The following BICD1 variants were observed in gnomAD, a reference collection of about 807,000 sequenced individuals.
BICD1 encodes the protein BICD cargo adaptor 1.
In BICD1, 35 loss-of-function variants were observed where a neutral mutation model predicts 92.5. The observed-to-expected ratio is 0.38, with a 90% CI of 0.29 to 0.50. The LOEUF is 0.50. BICD1 is among the 20% of genes least tolerant of loss of function. The pLI, the probability that BICD1 is intolerant of heterozygous loss-of-function variation, is 0.93. For missense variants in BICD1, 950 were observed against 1,189.8 expected (o/e 0.80, Z 2.97); for synonymous variants, 429 against 465.1 (o/e 0.92, Z 1.00).
Position 32,252,054 on chromosome 12 carries a change from T to TCA in BICD1, c.426+35595_426+35596insCA, listed in dbSNP as rs57155044. On this transcript the variant is annotated intron_variant, in intron 2 of 9. Transcript: ENST00000652176. ...TTATAATATATATTTATAATAAATA[T>TCA]TATATATTATATATTTATAATATAT... Among the ~76,000 whole-genome samples, 29 of 38,356 alleles carry TCA rather than the reference T, an allele frequency of 7.6e-4. 1 individual carries two copies. The East Asian group carries it at 0.023, about 30-fold the overall frequency. The allele number at this position is 38,356 out of a possible 152,430, so 25.2% of individuals were successfully genotyped here.
At chr12:32,181,939 G>A (rs527303775) in intron 1 of BICD1, among the ~76,000 whole-genome samples, 51 of 152,086 alleles carry the variant, frequency 3.4e-4, no homozygotes, top group African/African-American at 1.2e-3. Flanking sequence ...CCATAAAACC[G>A]TGGTGTCTGG....
chr12:32,218,178 C>T (rs1339641559), intron 2 of BICD1, among the ~76,000 whole-genome samples: 3 of 152,068 alleles, frequency 2.0e-5, no homozygotes, highest in Non-Finnish European at 4.4e-5. Flanking sequence ...TACACAGCCA[C>T]GCTTGAAGGC....
intron 1 of BICD1, among the ~76,000 whole-genome samples, chr12:32,161,539 T>TA: frequency 6.6e-6 from 1 of 152,204 alleles, no homozygotes; most frequent in Admixed American, 6.5e-5. Flanking sequence ...GATCATAACT[T>TA]ACCATAGTTT....
At chr12:32,195,184 C>T (rs1015463802) in intron 1 of BICD1, among the ~76,000 whole-genome samples, 16 of 151,898 alleles carry the variant, frequency 1.1e-4, no homozygotes, top group African/African-American at 3.9e-4. Context: ...AATGTCCATA[C>T]TACTGAAAGC....
chr12:32,226,545 T>C (rs947558535), intron 2 of BICD1, among the ~76,000 whole-genome samples: 5 of 152,254 alleles, frequency 3.3e-5, no homozygotes, highest in Middle Eastern at 3.4e-3. Context: ...TGAGAGCAAA[T>C]TTCTGTGCAT....
At chr12:32,369,047 C>T (rs1308946068) in intron 9 of BICD1, among the ~76,000 whole-genome samples, 1 of 152,198 alleles carries the variant, frequency 6.6e-6, no homozygotes, top group African/African-American at 2.4e-5. Context: ...AGTTAGCATT[C>T]AAAAGATAAT....
At chr12:32,294,601 A>G (rs1203857690) in intron 3 of BICD1, among the ~76,000 whole-genome samples, 1 of 141,536 alleles carries the variant, frequency 7.1e-6, no homozygotes, top group Non-Finnish European at 1.5e-5. Context: ...AGCCTTGGTG[A>G]CAGAGTGAGA....
chr12:32,296,960 G>A (rs1447704419), intron 3 of BICD1, among the ~76,000 whole-genome samples: 2 of 152,016 alleles, frequency 1.3e-5, no homozygotes, highest in African/African-American at 4.8e-5. Context: ...AAAGGAGGGG[G>A]GACTTACACA....
chr12:32,235,051 T>C (rs1371527464), intron 2 of BICD1, among the ~76,000 whole-genome samples: 2 of 152,144 alleles, frequency 1.3e-5, no homozygotes, highest in Non-Finnish European at 2.9e-5. Context: ...TATAGACATC[T>C]AGAATATAAA....
intron 1 of BICD1, among the ~76,000 whole-genome samples, chr12:32,174,538 A>G (rs571421466): frequency 2.0e-5 from 3 of 151,974 alleles, no homozygotes; most frequent in Non-Finnish European, 4.4e-5. Flanking sequence ...CCATTGGATT[A>G]CTCTTTGTTT....
rs1940072893 is a variant in BICD1, at chr12:32,378,601, T to C, written c.*974T>C. 3.9e-5 allele frequency: 6 copies of C among 152,190 alleles called. No individual in the cohort carries two copies. Among genetic ancestry groups the C allele is most frequent in the Admixed American group, 2.0e-4 (3 of 15,276 alleles). 9.4% of individuals were successfully genotyped at this position (152,190 alleles called of 1,614,324 possible). On this transcript the variant is annotated 3_prime_UTR_variant, in exon 10 of 10. Coordinates refer to ENST00000652176, the MANE Select transcript of BICD1 (RefSeq NM_001714.4). ...CCAAAATCAGGGTCCTACTGAGTCT[T>C]TCCTGATAAAAGGTATCAAGTACAA...
chr12:32,212,284 AGTT>A (rs1945238562), intron 1 of BICD1, among the ~76,000 whole-genome samples: 1 of 152,058 alleles, frequency 6.6e-6, no homozygotes, highest in Non-Finnish European at 1.5e-5. Flanking sequence ...GTTTTTTATA[AGTT>A]GTTTCTTACA....
chr12:32,234,431 C>G (rs558522317), intron 2 of BICD1, among the ~76,000 whole-genome samples: 10 of 151,704 alleles, frequency 6.6e-5, no homozygotes, highest in South Asian at 6.2e-4. Context: ...AACCCCATCT[C>G]TACTAAAAAT....
rs1324561167 is a variant in BICD1, at chr12:32,146,833, CCCTT to C, written c.213+39303_213+39306del. ...TTCCTCCCTCCCTCCCTCCCTCCCT[CCCTT>C]CCTTCCTTCCTTCTCCTCCTCCTTC... is the stretch of plus-strand genomic sequence containing the variant. On this transcript the variant is annotated intron_variant, in intron 1 of 9. Coordinates refer to ENST00000652176, the MANE Select transcript of BICD1 (RefSeq NM_001714.4). 6.8e-3 allele frequency among the ~76,000 whole-genome samples: 864 copies of C among 127,504 alleles called. 20 individuals are homozygous for C. Among genetic ancestry groups the C allele is most frequent in the African/African-American group, 0.024 (753 of 31,964 alleles). The allele number at this position is 127,504 out of a possible 152,430, so 83.6% of individuals were successfully genotyped here.
chr12:32,176,094 G>T (rs767574231), intron 1 of BICD1, among the ~76,000 whole-genome samples: 5 of 152,104 alleles, frequency 3.3e-5, no homozygotes, highest in Non-Finnish European at 7.4e-5. Context: ...ATATTCCCTT[G>T]TATGCATGTA....
At chr12:32,288,959 A>G (rs759867169) in intron 2 of BICD1, among the ~76,000 whole-genome samples, 11 of 152,220 alleles carry the variant, frequency 7.2e-5, no homozygotes, top group Non-Finnish European at 1.5e-4. Context: ...GAAGAGGTAC[A>G]TAGGCTTCAG....
At chr12:32,173,407 G>C (rs1944006885) in intron 1 of BICD1, among the ~76,000 whole-genome samples, 1 of 152,146 alleles carries the variant, frequency 6.6e-6, no homozygotes, top group African/African-American at 2.4e-5. Context: ...CTTTCACCTG[G>C]ATTCCTTAAA....
At chr12:32,305,581 T>C (rs1948189543) in intron 3 of BICD1, 116 bp from the exon 4 acceptor site, 1 of 887,430 alleles carries the variant, frequency 1.1e-6, no homozygotes, top group Non-Finnish European at 1.7e-6. Flanking sequence ...TTATTATTTA[T>C]TTTTTAGACT....
intron 5 of BICD1, chr12:32,332,628 G>A (rs1000744568): frequency 3.4e-6 from 1 of 293,814 alleles, no homozygotes; most frequent in African/African-American, 2.3e-5. Context: ...TACACATGCT[G>A]TAATCCAAGT....
Sources: gnomAD v4.1 joint callset for allele counts (sites outside exome capture counted in the v4.1 genomes callset) on GRCh38, gnomAD v4.1.1 for gene constraint, MANE v1.5 for transcripts, NCBI Gene and HGNC (gene_info 2026-07-23, HGNC 2026-07-21) for gene names.